The following ABI1 variants were observed in gnomAD, a reference collection of about 807,000 sequenced individuals.
ABI1 encodes abl interactor 1.
In ABI1, 14 loss-of-function variants were observed where a neutral mutation model predicts 54.6. The ratio of observed to expected loss-of-function variants is 0.26; its 90% CI spans 0.17 to 0.40. The LOEUF (loss-of-function observed/expected upper bound fraction) is 0.40, where lower values mean the gene tolerates loss of function less well. ABI1 is among the 10% of genes least tolerant of loss of function. The pLI is 1.00. For synonymous variants in ABI1, 194 were observed against 209.3 expected, an observed-to-expected ratio of 0.93 and a Z score of 0.63; for missense variants, 443 against 598.3, an observed-to-expected ratio of 0.74 and a Z score of 2.71.
chr10:26,797,343 G>A (rs987936772), intron 2 of ABI1, among the ~76,000 whole-genome samples: 2 of 152,152 alleles, frequency 1.3e-5, no homozygotes, highest in Admixed American at 1.3e-4. Flanking sequence ...GTTCATTTAT[G>A]TAAAAAGCCT....
chr10:26,777,907 G>T (rs1841627005), intron 2 of ABI1, among the ~76,000 whole-genome samples: 1 of 151,904 alleles, frequency 6.6e-6, no homozygotes, highest in African/African-American at 2.4e-5. Flanking sequence ...ACACAATGAG[G>T]CAAGTGCTAT....
Position 26,782,052 on chromosome 10 carries a change from G to T in ABI1, c.286-4811C>A, listed in dbSNP as rs1842179556. ...CCACATCACATGCTACTGGCAGATT[G>T]GTTGCATCAGACAACCTTCTTCAGG... On this transcript the variant is annotated intron_variant, in intron 2 of 10. Transcript: ENST00000376140. Among the ~76,000 whole-genome samples the T allele has an allele frequency of 3.3e-5, 5 of 152,144 alleles. No homozygotes were observed. The South Asian group carries it at 8.3e-4, about 25-fold the overall frequency.
chr10:26,841,621 T>G (rs1247227777), intron 1 of ABI1, among the ~76,000 whole-genome samples: 1 of 151,712 alleles, frequency 6.6e-6, no homozygotes, highest in Non-Finnish European at 1.5e-5. Context: ...TAACCCACTC[T>G]TTTATTCACT....
At chr10:26,859,385 G>A (rs2051112942) in intron 1 of ABI1, among the ~76,000 whole-genome samples, 1 of 152,184 alleles carries the variant, frequency 6.6e-6, no homozygotes, top group Non-Finnish European at 1.5e-5. Context: ...TGCCAACACA[G>A]AAACATCGGT....
chr10:26,781,209 GAA>G (rs1378998188), intron 2 of ABI1, among the ~76,000 whole-genome samples: 2 of 152,198 alleles, frequency 1.3e-5, no homozygotes, highest in African/African-American at 4.8e-5. Context: ...TGCCTCTTTT[GAA>G]AAGATTCCCA....
intron 2 of ABI1, among the ~76,000 whole-genome samples, chr10:26,809,551 C>T (rs891819557): frequency 2.6e-5 from 4 of 151,864 alleles, no homozygotes; most frequent in Non-Finnish European, 5.9e-5. Context: ...GAGCGAGACC[C>T]TATGTCCAAA....
chr10:26,848,168 C>T (rs2050119513), intron 1 of ABI1, among the ~76,000 whole-genome samples: 1 of 133,020 alleles, frequency 7.5e-6, no homozygotes, highest in African/African-American at 2.9e-5. Context: ...CACTGCACTC[C>T]AGAACCTGGG....
intron 2 of ABI1, among the ~76,000 whole-genome samples, chr10:26,798,980 G>A (rs940007450): frequency 2.6e-5 from 4 of 151,488 alleles, no homozygotes; most frequent in Admixed American, 6.6e-5. Context: ...AAGAAAGAAA[G>A]GAGAAAAAAG....
chr10:26,808,498 G>C (rs990618405), intron 2 of ABI1, among the ~76,000 whole-genome samples: 3 of 152,122 alleles, frequency 2.0e-5, no homozygotes, highest in East Asian at 3.9e-4. Flanking sequence ...GAGGCAGGTA[G>C]ATCACCTGAG....
chr10:26,756,980 A>G (rs183153917), intron 8 of ABI1, among the ~76,000 whole-genome samples: 8 of 152,252 alleles, frequency 5.3e-5, no homozygotes, highest in African/African-American at 1.4e-4. Flanking sequence ...ATCCTATTTC[A>G]TTCTAATACT....
In ABI1 at chr10:26,860,038, G is replaced by A. The variant is rs1452377384; in HGVS notation, c.117+709C>T. 6.6e-6 allele frequency among the ~76,000 whole-genome samples: 1 copy of A among 152,124 alleles called. No individual in the cohort carries two copies. The highest frequency in any genetic ancestry group is 1.5e-5 in the Non-Finnish European group (1 of 68,028). ...CGACTTGAAAATGGACAAGCAGACA[G>A]ATTTACAAACCTTCAATTAAAGGAA... is the stretch of plus-strand genomic sequence containing the variant. On this transcript the variant is annotated intron_variant, in intron 1 of 10. Transcript: ENST00000376140. The surrounding 1 kb of genome is among the most constrained non-coding windows in gnomAD (Gnocchi z 4.1).
In ABI1 at chr10:26,747,706, T is replaced by G. The variant is rs1837094799; in HGVS notation, c.*864A>C. ...AGTAGATTGACTTGTAAATAACCAT[T>G]GCAGATTTTGAATCTGCAAAAATCC... On this transcript the variant is annotated 3_prime_UTR_variant, in exon 11 of 11. Coordinates refer to ENST00000376140, the MANE Select transcript of ABI1 (RefSeq NM_001012750.3). The G allele has an allele frequency of 5.1e-6, 1 of 196,508 alleles. No individual in the cohort carries two copies. The highest frequency in any genetic ancestry group is 1.9e-4 in the South Asian group (1 of 5,214). The allele number at this position is 196,508 out of a possible 1,614,324, so 12.2% of individuals were successfully genotyped here. A position where few individuals can be genotyped will look rare whatever the true frequency, so the allele number is the denominator to read the frequency against.
intron 1 of ABI1, among the ~76,000 whole-genome samples, chr10:26,847,607 G>C (rs1022553731): frequency 6.6e-6 from 1 of 151,970 alleles, no homozygotes; most frequent in Non-Finnish European, 1.5e-5. Context: ...CTGAGCAACA[G>C]AGAGAGACCC....
At chr10:26,829,066 A>G (rs992087220) in intron 1 of ABI1, among the ~76,000 whole-genome samples, 1 of 152,090 alleles carries the variant, frequency 6.6e-6, no homozygotes, top group Non-Finnish European at 1.5e-5. Flanking sequence ...CTCTACTAAA[A>G]ATACAAAAAA....
chr10:26,766,800 T>C (rs934533530), intron 6 of ABI1, among the ~76,000 whole-genome samples: 1 of 152,240 alleles, frequency 6.6e-6, no homozygotes, highest in African/African-American at 2.4e-5. Context: ...ATGTTTTTTA[T>C]ATTTTTTAAT....
At chr10:26,858,813 T>C (rs897747999) in intron 1 of ABI1, among the ~76,000 whole-genome samples, 1 of 152,118 alleles carries the variant, frequency 6.6e-6, no homozygotes, top group Non-Finnish European at 1.5e-5. Flanking sequence ...TTACAGTTAC[T>C]AACAGTTGCC....
intron 2 of ABI1, among the ~76,000 whole-genome samples, chr10:26,792,653 T>C (rs1588893326): frequency 6.6e-6 from 1 of 152,180 alleles, no homozygotes; most frequent in Admixed American, 6.5e-5. Flanking sequence ...GGGAATTGAA[T>C]AAATAAAATT....
At chr10:26,756,205 A>G (rs912422574) in intron 8 of ABI1, among the ~76,000 whole-genome samples, 5 of 152,206 alleles carry the variant, frequency 3.3e-5, no homozygotes, top group Admixed American at 2.0e-4. Context: ...CCAAATAAAT[A>G]AAACAAATAT....
chr10:26,831,872 G>A (rs528253247), intron 1 of ABI1, among the ~76,000 whole-genome samples: 34 of 152,096 alleles, frequency 2.2e-4, no homozygotes, highest in Non-Finnish European at 4.3e-4. Context: ...CTAAAATAAC[G>A]TTGCACAGCT....
Sources: gnomAD v4.1 joint callset for allele counts (sites outside exome capture counted in the v4.1 genomes callset) on GRCh38, gnomAD v4.1.1 for gene constraint, Gnocchi (gnomAD v3.1) non-coding constraint, MANE v1.5 for transcripts, NCBI Gene and HGNC (gene_info 2026-07-23, HGNC 2026-07-21) for gene names.